Variants in LINGO2 observed in about 807,000 individuals in gnomAD.
LINGO2 encodes leucine rich repeat and Ig domain containing 2, also known as leucine-rich repeat and immunoglobulin-like domain-containing nogo receptor-interacting protein 2.
Under a neutral mutation model 30.6 loss-of-function variants are expected in LINGO2, and 14 were observed. That is an observed-to-expected ratio of 0.46 (90% CI 0.30 to 0.72). The LOEUF (loss-of-function observed/expected upper bound fraction) is 0.72, where lower values mean the gene tolerates loss of function less well. Among genes scored for constraint, LINGO2 ranks in the 30% least tolerant of loss-of-function variants. The pLI is 0.07. For synonymous variants in LINGO2, 317 were observed against 288.5 expected, an observed-to-expected ratio of 1.10 and a Z score of -1.00; for missense variants, 729 against 751.7, an observed-to-expected ratio of 0.97 and a Z score of 0.35.
intron 3 of LINGO2, among the ~76,000 whole-genome samples, chr9:28,295,769 A>G (rs576668252): frequency 6.6e-6 from 1 of 152,298 alleles, no homozygotes. Flanking sequence ...GGCAAAACCC[A>G]TGAGCAGTTA....
At chr9:28,039,303 G>A (rs12347126) in intron 4 of LINGO2, among the ~76,000 whole-genome samples, 8 of 152,124 alleles carry the variant, frequency 5.3e-5, no homozygotes, top group African/African-American at 9.7e-5. Flanking sequence ...ACTTGACTAC[G>A]CAATTTTAAA....
intron 4 of LINGO2, among the ~76,000 whole-genome samples, chr9:28,189,323 GGGAGGGAGGAAGGAAGGA>G (rs1819677985): frequency 1.5e-5 from 1 of 66,596 alleles, no homozygotes; most frequent in Non-Finnish European, 3.1e-5. Context: ...AAGGAAGGAA[GGGAGGGAGGAAGGAAGGA>G]AGGGAGGAAG....
At chr9:29,162,094 A>C in the LINGO2 span, among the ~76,000 whole-genome samples, 1 of 151,858 alleles carries the variant, frequency 6.6e-6, no homozygotes, top group Non-Finnish European at 1.5e-5. Context: ...TAATTTTTGT[A>C]TTTTGGGTAG....
intron 4 of LINGO2, among the ~76,000 whole-genome samples, chr9:28,187,161 T>C (rs1432560249): frequency 6.6e-6 from 1 of 152,136 alleles, no homozygotes; most frequent in Non-Finnish European, 1.5e-5. Context: ...ATTTTAAAGA[T>C]AGGGTTATCA....
the LINGO2 span, among the ~76,000 whole-genome samples, chr9:28,896,821 C>T: frequency 2.0e-5 from 3 of 151,974 alleles, no homozygotes; most frequent in Non-Finnish European, 4.4e-5. Flanking sequence ...CATTATGTTG[C>T]CCTATCTCTT....
chr9:28,984,186 C>T, the LINGO2 span, among the ~76,000 whole-genome samples: 5 of 152,058 alleles, frequency 3.3e-5, no homozygotes, highest in Admixed American at 6.6e-5. Context: ...ATACAAAATC[C>T]GTTCTCTAGC....
At chr9:28,499,063 C>T (rs991119905) in intron 1 of LINGO2, among the ~76,000 whole-genome samples, 2 of 151,922 alleles carry the variant, frequency 1.3e-5, no homozygotes, top group African/African-American at 4.8e-5. Flanking sequence ...AAGAAAGTAG[C>T]CTTCGATTCA....
Position 28,148,982 on chromosome 9 carries a change from C to T in LINGO2, c.-86-136577G>A. ...AAGAAAACTGTCGGGGCCACCGCTG[C>T]AGCTGCAACCGACCCCTCCCCTGCA... On this transcript the variant is annotated intron_variant, in intron 4 of 5. Coordinates refer to ENST00000379992, the Ensembl canonical transcript of LINGO2. This position sits in a 1 kb window ranked among gnomAD's most constrained non-coding sequence, Gnocchi z 5.1. 1.3e-6 allele frequency: 2 copies of T among 1,534,250 alleles called. No individual in the cohort carries two copies. Among genetic ancestry groups the T allele is most frequent in the Non-Finnish European group, 1.7e-6 (2 of 1,146,800 alleles).
At chr9:28,525,989 G>A (rs1282188024) in intron 1 of LINGO2, among the ~76,000 whole-genome samples, 1 of 141,328 alleles carries the variant, frequency 7.1e-6, no homozygotes, top group Non-Finnish European at 1.5e-5. Context: ...CCGGGAGGCA[G>A]AGCTTCCAGT....
At chr9:28,489,055 C>A (rs959118958) in intron 1 of LINGO2, among the ~76,000 whole-genome samples, 8 of 152,110 alleles carry the variant, frequency 5.3e-5, no homozygotes, top group African/African-American at 1.9e-4. Flanking sequence ...TTAAAGGAAT[C>A]AAAAAAGCTT....
chr9:28,771,506 T>TGTGTGTGTGTGA, the LINGO2 span, among the ~76,000 whole-genome samples: 1 of 95,034 alleles, frequency 1.1e-5, no homozygotes, highest in Non-Finnish European at 2.5e-5. Context: ...TGTGTGTGTG[T>TGTGTGTGTGTGA]GAGAGAGAGA....
At chr9:28,292,300 T>C (rs1252074899) in intron 4 of LINGO2, among the ~76,000 whole-genome samples, 1 of 152,150 alleles carries the variant, frequency 6.6e-6, no homozygotes, top group African/African-American at 2.4e-5. Flanking sequence ...AACATGAGGA[T>C]AACAATAAGA....
At chr9:28,520,545 T>C (rs1820790359) in intron 1 of LINGO2, among the ~76,000 whole-genome samples, 1 of 152,194 alleles carries the variant, frequency 6.6e-6, no homozygotes, top group Non-Finnish European at 1.5e-5. Flanking sequence ...GATTTTATTG[T>C]TGATACGTTA....
chr9:28,460,369 G>A (rs1825028866), intron 2 of LINGO2, among the ~76,000 whole-genome samples: 1 of 152,144 alleles, frequency 6.6e-6, no homozygotes, highest in Non-Finnish European at 1.5e-5. Flanking sequence ...ATATTGAACT[G>A]TTTGCAAAAC....
At chr9:28,639,694 T>C (rs1022439995) in intron 1 of LINGO2, among the ~76,000 whole-genome samples, 5 of 152,236 alleles carry the variant, frequency 3.3e-5, no homozygotes, top group South Asian at 2.1e-4. Flanking sequence ...TCCATCCCTT[T>C]ATTTTGAGCC....
the LINGO2 span, among the ~76,000 whole-genome samples, chr9:28,697,694 G>A: frequency 6.6e-6 from 1 of 151,874 alleles, no homozygotes; most frequent in East Asian, 1.9e-4. Flanking sequence ...GATAGGCTAA[G>A]GAGTCACATT....
At chr9:29,087,157 G>A in the LINGO2 span, among the ~76,000 whole-genome samples, 3 of 152,138 alleles carry the variant, frequency 2.0e-5, no homozygotes, top group East Asian at 1.9e-4. Context: ...GATTACAGGC[G>A]TGAGCCACTG....
At chr9:28,254,756 C>G (rs1394078191) in intron 4 of LINGO2, among the ~76,000 whole-genome samples, 1 of 152,030 alleles carries the variant, frequency 6.6e-6, no homozygotes, top group East Asian at 1.9e-4. Flanking sequence ...AATAGAAATA[C>G]CAAATTTTTT....
At chr9:28,909,509 T>C in the LINGO2 span, among the ~76,000 whole-genome samples, 3 of 152,134 alleles carry the variant, frequency 2.0e-5, no homozygotes, top group East Asian at 5.8e-4. Context: ...ATTGCCTACA[T>C]TTGCAAAGAA....
Sources: gnomAD v4.1 joint callset for allele counts (sites outside exome capture counted in the v4.1 genomes callset) on GRCh38, gnomAD v4.1.1 for gene constraint, Gnocchi (gnomAD v3.1) non-coding constraint, MANE v1.5 for transcripts, NCBI Gene and HGNC (gene_info 2026-07-23, HGNC 2026-07-21) for gene names.